Variants in TMEM243 observed in about 807,000 individuals in gnomAD.
The protein encoded by TMEM243 is MDR1 and mitochondrial taxol resistance associated.
In TMEM243, 20 loss-of-function variants were observed where a neutral mutation model predicts 15.0. The ratio of observed to expected loss-of-function variants is 1.33; its 90% CI spans 0.94 to 1.93. The LOEUF (loss-of-function observed/expected upper bound fraction) is 1.93. Ranked by LOEUF, TMEM243 falls within the 30% of genes most tolerant of loss-of-function variation. The pLI is 0.00. For missense variants in TMEM243, 156 were observed against 142.1 expected (o/e 1.10, Z -0.50); for synonymous variants, 72 against 52.7 (o/e 1.37, Z -1.59).
In TMEM243 at chr7:87,203,875, T is replaced by TA. The variant is rs1318715709; in HGVS notation, c.79-4819dup. ...GGTCCATAAAAAAATCCCAAAGGCA[T>TA]AATGTCAACTCATTTCCCAAAAAAG... is the stretch of plus-strand genomic sequence containing the variant. On this transcript the variant is annotated intron_variant, in intron 1 of 3. Transcript: ENST00000257637. 2.6e-5 allele frequency among the ~76,000 whole-genome samples: 4 copies of TA among 152,162 alleles called. No individual in the cohort carries two copies. The East Asian group carries it at 7.7e-4, about 29-fold the overall frequency.
intron 1 of TMEM243, among the ~76,000 whole-genome samples, chr7:87,199,947 G>T (rs572329343): frequency 1.3e-5 from 2 of 152,224 alleles, no homozygotes; most frequent in South Asian, 4.1e-4. Flanking sequence ...CGAATCAGTC[G>T]TCTTAAATGT....
rs747626220 is a variant in TMEM243, at chr7:87,197,999, G to A, written c.176C>T (p.Pro59Leu). ...AFVFPQLPPK[P>L]LNIFFAVCIS... ...GCAGACAGCAAAGAATATATTCAACGGTTTTGGAGGTAGTTGAGGGAAAAC... is the reference window on the plus strand; with the variant it reads ...GCAGACAGCAAAGAATATATTCAACAGTTTTGGAGGTAGTTGAGGGAAAAC... The change falls in exon 3 of 4, where the codon CCG (proline) becomes CTG (leucine). Residue 59 changes from proline to leucine, a missense_variant. Coordinates refer to ENST00000257637, the MANE Select transcript of TMEM243 (RefSeq NM_024315.4). The A allele has an allele frequency of 4.3e-6, 7 of 1,612,732 alleles. No individual in the cohort carries two copies. Among genetic ancestry groups the A allele is most frequent in the Middle Eastern group, 1.7e-4 (1 of 6,056 alleles).
intron 1 of TMEM243, among the ~76,000 whole-genome samples, chr7:87,207,834 C>T (rs546948275): frequency 9.1e-4 from 139 of 152,280 alleles, no homozygotes; most frequent in African/African-American, 3.2e-3. Context: ...CAGGTTAGAC[C>T]TCACACCTTC....
chr7:87,215,030 T>C (rs1803005279), intron 1 of TMEM243, among the ~76,000 whole-genome samples: 1 of 152,212 alleles, frequency 6.6e-6, no homozygotes, highest in East Asian at 1.9e-4. Flanking sequence ...GATTTTGGAT[T>C]TGGGACATCG....
intron 2 of TMEM243, 156 bp downstream of exon 2, chr7:87,198,851 G>A: frequency 1.7e-6 from 1 of 593,792 alleles, no homozygotes; most frequent in Non-Finnish European, 2.9e-6. Context: ...CTGGGGGTGG[G>A]GCAGAATTAA....
intron 2 of TMEM243, 50 bp downstream of exon 2, chr7:87,198,957 T>C: frequency 6.7e-7 from 1 of 1,487,562 alleles, no homozygotes; most frequent in East Asian, 2.5e-5. Flanking sequence ...TTGATAAAGT[T>C]TTCAAAACTG....
Position 87,197,962 on chromosome 7 carries a change from A to G in TMEM243, c.213T>C (p.Ser71=). Residue 71 remains serine (S), a synonymous_variant, in exon 3 of 4, where the codon AGT becomes AGC. Coordinates refer to ENST00000257637, the MANE Select transcript of TMEM243 (RefSeq NM_024315.4). ...NIFFAVCISL[S]SITACILIYW... ...TTACAAGTATGCAGGCAGTAATACTACTCAAAGAGATGCAGACAGCAAAGA... is the reference window on the plus strand; with the variant it reads ...TTACAAGTATGCAGGCAGTAATACTGCTCAAAGAGATGCAGACAGCAAAGA... 1.2e-6 allele frequency: 2 copies of G among 1,613,052 alleles called. No homozygotes were observed. The highest frequency in any genetic ancestry group is 1.7e-6 in the Non-Finnish European group (2 of 1,179,338).
In TMEM243 at chr7:87,219,606, A is replaced by G. The variant is rs572639085; in HGVS notation, c.-103T>C. ...CAAGCCTCCTCCTCACGGCTCCCGC[A>G]TAGCCGAACCCGAGTGGTCGGGGAA... On this transcript the variant is annotated 5_prime_UTR_variant, in exon 1 of 4. The change abolishes an upstream ATG in the 5' untranslated region. Transcript: ENST00000257637. 2.3e-4 allele frequency: 246 copies of G among 1,061,698 alleles called. 4 individuals are homozygous for G. The South Asian group carries it at 3.1e-3, about 14-fold the overall frequency. The allele number at this position is 1,061,698 out of a possible 1,614,324, so 65.8% of individuals were successfully genotyped here.
rs71906317 is a variant in TMEM243 at position 87,197,688 on chromosome 7, ATT to A, written c.234+251_234+252del. 6.2e-4 allele frequency: 610 copies of A among 981,884 alleles called. 1 individual carries two copies. The highest frequency in any genetic ancestry group is 3.4e-3 in the East Asian group (72 of 20,944). The allele number at this position is 981,884 out of a possible 1,614,324, so 60.8% of individuals were successfully genotyped here. A position where few individuals can be genotyped will look rare whatever the true frequency, so the allele number is the denominator to read the frequency against. On this transcript the variant is annotated intron_variant, in intron 3 of 3. Coordinates refer to ENST00000257637, the MANE Select transcript of TMEM243 (RefSeq NM_024315.4). Reference sequence around the variant, plus strand: ...TTTGGCCACCTACGTCTTTCCACTAATTTTTTTTTTTTTTTTTTTTTTTTTTT... The same window carrying A: ...TTTGGCCACCTACGTCTTTCCACTAATTTTTTTTTTTTTTTTTTTTTTTTT...
chr7:87,209,229 G>A (rs1388905215), intron 1 of TMEM243, among the ~76,000 whole-genome samples: 1 of 152,132 alleles, frequency 6.6e-6, no homozygotes, highest in Non-Finnish European at 1.5e-5. Flanking sequence ...ACATGGCTGG[G>A]GAGACCTCAG....
At chr7:87,201,809 A>G (rs561303863) in intron 1 of TMEM243, among the ~76,000 whole-genome samples, 1 of 152,290 alleles carries the variant, frequency 6.6e-6, no homozygotes, top group Admixed American at 6.5e-5. Flanking sequence ...TTTTCACTCT[A>G]GTTCTACCTA....
At chr7:87,220,053 G>T (rs897267000), upstream of TMEM243, among the ~76,000 whole-genome samples, 4 of 152,240 alleles carry the variant, frequency 2.6e-5, no homozygotes, top group African/African-American at 9.6e-5. Flanking sequence ...CCCTCGCCTA[G>T]CCTTCTGCGT....
chr7:87,203,616 A>G (rs943815861), intron 1 of TMEM243, among the ~76,000 whole-genome samples: 9 of 152,070 alleles, frequency 5.9e-5, no homozygotes, highest in Admixed American at 2.6e-4. Context: ...TTAAAAAAAA[A>G]AAAAAAAATT....
intron 1 of TMEM243, among the ~76,000 whole-genome samples, chr7:87,202,179 G>T (rs534762053): frequency 6.6e-6 from 1 of 152,112 alleles, no homozygotes; most frequent in East Asian, 1.9e-4. Flanking sequence ...CTACCTTCCA[G>T]AAGTTTACAC....
intron 1 of TMEM243, among the ~76,000 whole-genome samples, chr7:87,211,234 A>G (rs1220444580): frequency 6.6e-6 from 1 of 152,160 alleles, no homozygotes; most frequent in Non-Finnish European, 1.5e-5. Flanking sequence ...ACCTCCAGGC[A>G]CTTTGTTCTT....
At position 87,198,088 on chromosome 7, in the gene TMEM243, A is replaced by G. The variant is rs767266294; in HGVS notation, c.130-43T>C. The G allele has an allele frequency of 3.9e-6, 6 of 1,537,136 alleles. No homozygotes were observed. The Admixed American group carries it at 1.1e-4, about 27-fold the overall frequency. ...ATGTAAGGCCTTAACAGTAATTCCA[A>G]GACTTGGTAATTACCAACTGGAGTC... On this transcript the variant is annotated intron_variant, in intron 2 of 3. Coordinates refer to ENST00000257637, the MANE Select transcript of TMEM243 (RefSeq NM_024315.4).
chr7:87,218,070 A>C (rs902650610), intron 1 of TMEM243, among the ~76,000 whole-genome samples: 1 of 152,270 alleles, frequency 6.6e-6, no homozygotes, highest in Admixed American at 6.5e-5. Context: ...TTTCTCATAC[A>C]AAAGCAACCA....
rs1491159518 is a variant in TMEM243 at position 87,209,562 on chromosome 7, A to ATGAGAGAGAGACAG, written c.78+9850_78+9863dup. Among the ~76,000 whole-genome samples the ATGAGAGAGAGACAG allele has an allele frequency of 3.7e-3, 418 of 111,628 alleles. 3 individuals carry two copies. Among genetic ancestry groups the ATGAGAGAGAGACAG allele is most frequent in the Non-Finnish European group, 4.9e-3 (255 of 52,494 alleles). 73.2% of individuals were successfully genotyped at this position (111,628 alleles called of 152,430 possible). A position where few individuals can be genotyped will look rare whatever the true frequency, so the allele number is the denominator to read the frequency against. ...AAAGTGAGAGACAATGAGAGAGACA[A>ATGAGAGAGAGACAG]TGAGAGAGAGACAGTGAGAGAGACA... On this transcript the variant is annotated intron_variant, in intron 1 of 3. Transcript: ENST00000257637.
At chr7:87,209,748 CACAGAGCGAGACAGTGAGAGCGAG>C (rs1562885322) in intron 1 of TMEM243, among the ~76,000 whole-genome samples, 3 of 58,372 alleles carry the variant, frequency 5.1e-5, no homozygotes, top group East Asian at 3.6e-4. Context: ...GAGAGCGAGA[CACAGAGCGAGACAGTGAGAGCGAG>C]ACAGAGCGAG....
Sources: gnomAD v4.1 joint callset for allele counts (sites outside exome capture counted in the v4.1 genomes callset) on GRCh38, gnomAD v4.1.1 for gene constraint, MANE v1.5 for transcripts, NCBI Gene and HGNC (gene_info 2026-07-23, HGNC 2026-07-21) for gene names.